The following MYO15A variants were observed in gnomAD, a reference collection of about 807,000 sequenced individuals.
The protein encoded by MYO15A is unconventional myosin-XV.
Under a neutral mutation model 394.6 loss-of-function variants are expected in MYO15A, and 308 were observed. The observed-to-expected ratio is 0.78, with a 90% CI of 0.71 to 0.86. The LOEUF (loss-of-function observed/expected upper bound fraction) is 0.86. Among genes scored for constraint, MYO15A ranks in the 40% least tolerant of loss-of-function variants. The probability of loss-of-function intolerance (pLI) is 0.00; values close to 1 mark genes in which losing one functional copy is unlikely to be tolerated. For synonymous variants in MYO15A, 1,957 were observed against 2,003.8 expected, an observed-to-expected ratio of 0.98 and a Z score of 0.62; for missense variants, 4,606 against 4,799.1, an observed-to-expected ratio of 0.96 and a Z score of 1.19.
Position 18,157,747 on chromosome 17 carries a change from G to T in MYO15A, c.8814G>T (p.Gly2938=). 2 of 1,606,382 alleles carry T rather than the reference G, an allele frequency of 1.2e-6. No individual in the cohort carries two copies. The highest frequency in any genetic ancestry group is 1.7e-4 in the Middle Eastern group (1 of 6,060). Residue 2938 remains glycine, a synonymous_variant, in exon 51 of 66, where the codon GGG becomes GGT. Coordinates refer to ENST00000647165, the MANE Select transcript of MYO15A (RefSeq NM_016239.4). ...GCTGGAGGTTCGGGACCATCCACGG[G>T]CGCGTGGGCCGCTTCCCTTCGGAGC... ...DFGWRFGTIH[G]RVGRFPSELV...
rs1008697566 is a variant in MYO15A, at chr17:18,132,877, A to G, written c.4320+311A>G. On this transcript the variant is annotated intron_variant, in intron 11 of 65. Coordinates refer to ENST00000647165, the MANE Select transcript of MYO15A (RefSeq NM_016239.4). This position sits in a 1 kb window ranked among gnomAD's most constrained non-coding sequence, Gnocchi z 4.6. ...CTCACCTGTAAAATGGGGACAACAT[A>G]GTACCACTTTGCAGGGATGTAGTGA... Among the ~76,000 whole-genome samples the G allele has an allele frequency of 6.6e-6, 1 of 152,236 alleles. No individual in the cohort carries two copies. Among genetic ancestry groups the G allele is most frequent in the Non-Finnish European group, 1.5e-5 (1 of 68,038 alleles).
rs751783637 is a variant in MYO15A at position 18,151,428 on chromosome 17, C to T, written c.7688C>T (p.Thr2563Met). ...SPSPELVRYS[T>M]LNSEHFPQPT... Reference sequence around the variant, plus strand: ...TCCCCAGAGCTGGTCCGGTACTCTACGCTCAACTCTGAGCACTTCCCACAG... The same window carrying T: ...TCCCCAGAGCTGGTCCGGTACTCTATGCTCAACTCTGAGCACTTCCCACAG... Residue 2563 changes from threonine (T) to methionine (M), a missense_variant, in exon 40 of 66, where the codon ACG becomes ATG. Physicochemically the swap from Thr to Met is moderately conservative, Grantham distance 81. This residue lies in a region of MYO15A where 2,776 missense variants were observed against 3,109.3 expected (regional missense o/e 0.89). Coordinates refer to ENST00000647165, the MANE Select transcript of MYO15A (RefSeq NM_016239.4). 7.4e-6 allele frequency: 12 copies of T among 1,614,100 alleles called. No individual in the cohort carries two copies. The highest frequency in any genetic ancestry group is 4.5e-5 in the East Asian group (2 of 44,890).
At chr17:18,110,727 C>T (rs1357697699) in intron 1 of MYO15A, among the ~76,000 whole-genome samples, 1 of 152,210 alleles carries the variant, frequency 6.6e-6, no homozygotes, top group East Asian at 1.9e-4. Context: ...TGACCAAAGT[C>T]CCATCCCTTT....
rs962069038 is a variant in MYO15A at position 18,150,011 on chromosome 17, C to T, written c.7213-418C>T. 5.1e-5 allele frequency: 16 copies of T among 315,808 alleles called. No individual in the cohort carries two copies. The highest frequency in any genetic ancestry group is 1.1e-4 in the African/African-American group (5 of 46,880). The allele number at this position is 315,808 out of a possible 1,614,324, so 19.6% of individuals were successfully genotyped here. A position where few individuals can be genotyped will look rare whatever the true frequency, so the allele number is the denominator to read the frequency against. The stretch of plus-strand genomic sequence containing the variant: ...GCACCTTTGGTGGCAGCCAGCCCCC[C>T]GGGGCCACTAAAATATCTCTATCTG... On this transcript the variant is annotated intron_variant, in intron 35 of 65. Transcript: ENST00000647165. The surrounding 1 kb of genome is among the most constrained non-coding windows in gnomAD (Gnocchi z 4.4).
intron 29 of MYO15A, among the ~76,000 whole-genome samples, chr17:18,144,857 C>T (rs963287971): frequency 2.0e-5 from 3 of 150,998 alleles, no homozygotes; most frequent in African/African-American, 7.3e-5. Flanking sequence ...CAAGAAGAGA[C>T]CCAGATCTCC....
Position 18,157,859 on chromosome 17 carries a change from G to C in MYO15A, c.8926G>C (p.Ala2976Pro). Reference protein sequence around the residue: ...GRAAAVAAAVASAAAAQEVGR... With the variant: ...GRAAAVAAAVPSAAAAQEVGR... ...AGCAGCCGCCGTGGCCGCTGCTGTG[G>C]CCTCTGCAGCCGCTGCACAGGAGGT... The change falls in exon 51 of 66, where the codon GCC becomes CCC. Residue 2976 changes from alanine (A) to proline (P), a missense_variant. By Grantham distance (27) the Ala-to-Pro change is conservative. Coordinates refer to ENST00000647165, the MANE Select transcript of MYO15A (RefSeq NM_016239.4). 1 of 1,442,360 alleles carries C rather than the reference G, an allele frequency of 6.9e-7. No individual in the cohort carries two copies. Among genetic ancestry groups the C allele is most frequent in the Non-Finnish European group, 9.2e-7 (1 of 1,085,496 alleles). The allele number at this position is 1,442,360 out of a possible 1,614,324, so 89.3% of individuals were successfully genotyped here.
chr17:18,161,076 G>A (rs1298209050), intron 56 of MYO15A: 2 of 669,600 alleles, frequency 3.0e-6, no homozygotes, highest in Non-Finnish European at 5.5e-6. Context: ...GGAGAGGAAA[G>A]AGTCGCAGTG....
At chr17:18,175,267 T>C (rs1488129828) in intron 65 of MYO15A, among the ~76,000 whole-genome samples, 3 of 146,668 alleles carry the variant, frequency 2.0e-5, no homozygotes. Context: ...TTGGTTCTTT[T>C]CTGGTCTTTC....
At chr17:18,168,567 CAA>C (rs769813064) in intron 62 of MYO15A, among the ~76,000 whole-genome samples, 5 of 98,576 alleles carry the variant, frequency 5.1e-5, no homozygotes, top group Admixed American at 1.0e-4. Context: ...GACTCCGTCT[CAA>C]AAAAAAAAAA....
At chr17:18,169,969 T>TAA (rs2046915099) in intron 62 of MYO15A, among the ~76,000 whole-genome samples, 1 of 40,054 alleles carries the variant, frequency 2.5e-5, no homozygotes, top group Non-Finnish European at 3.9e-5. Flanking sequence ...AGACCCTGTC[T>TAA]CAAAAAAAAA....
chr17:18,163,123 A>G (rs1597815932), intron 58 of MYO15A, 121 bp from the exon 59 acceptor site: 3 of 1,051,190 alleles, frequency 2.9e-6, no homozygotes, highest in East Asian at 2.4e-5. Context: ...CCAGGTGCTC[A>G]AGTGTTCCTA....
At chr17:18,161,115 G>GC in intron 56 of MYO15A, 1 of 836,424 alleles carries the variant, frequency 1.2e-6, no homozygotes, top group Non-Finnish European at 2.0e-6. Context: ...GATGTCTGGG[G>GC]CCCCATCCCC....
chr17:18,162,034 C>G (rs2046784474), intron 57 of MYO15A, among the ~76,000 whole-genome samples: 1 of 152,186 alleles, frequency 6.6e-6, no homozygotes, highest in African/African-American at 2.4e-5. Flanking sequence ...ATGCTTCTCT[C>G]TGATTCAATT....
intron 29 of MYO15A, among the ~76,000 whole-genome samples, chr17:18,145,249 G>A (rs1397513868): frequency 1.3e-5 from 2 of 152,132 alleles, no homozygotes; most frequent in Admixed American, 6.5e-5. Flanking sequence ...AACCCTCTGC[G>A]GCCTAGATAG....
In MYO15A at chr17:18,162,659, A is replaced by G. The variant is rs756135036; in HGVS notation, c.9592A>G (p.Ile3198Val). The change falls in exon 58 of 66, where the codon ATA (isoleucine) becomes GTA (valine). Residue 3198 changes from isoleucine to valine, a missense_variant. Physicochemically the swap from Ile to Val is conservative, Grantham distance 29. Around this residue, in one of 2 missense-constraint regions of MYO15A, gnomAD observed 2,776 missense variants for 3,109.3 expected, o/e 0.89. Transcript: ENST00000647165. The stretch of plus-strand genomic sequence containing the variant: ...AGGTCGTCTGGAGCTCCCCAGCAGC[A>G]TAGAGCTTCGGGCCATGTTGGTGAG... The part of the protein sequence containing the change: ...FGGRLELPSS[I>V]ELRAMLAGRS... The G allele has an allele frequency of 6.8e-6, 11 of 1,613,938 alleles. No individual in the cohort carries two copies. Among genetic ancestry groups the G allele is most frequent in the African/African-American group, 1.3e-5 (1 of 74,928 alleles).
In MYO15A at chr17:18,117,198, G is replaced by A. The variant is rs866068162; in HGVS notation, c.-219-1384G>A. Among the ~76,000 whole-genome samples the A allele has an allele frequency of 2.3e-4, 35 of 152,370 alleles. No individual in the cohort carries two copies. Among genetic ancestry groups the A allele is most frequent in the African/African-American group, 8.4e-4 (35 of 41,590 alleles). ...CAACTCCTCTGAGTGGCTGGGCACTGACTGGCTCCAGGTGAATCTTGGGGA... is the reference window on the plus strand; with the variant it reads ...CAACTCCTCTGAGTGGCTGGGCACTAACTGGCTCCAGGTGAATCTTGGGGA... On this transcript the variant is annotated intron_variant, in intron 1 of 65. Coordinates refer to ENST00000647165, the MANE Select transcript of MYO15A (RefSeq NM_016239.4). The surrounding 1 kb of genome is among the most constrained non-coding windows in gnomAD (Gnocchi z 4.1).
chr17:18,151,470 A>T lies in MYO15A; in HGVS notation c.7730A>T (p.Lys2577Met). 1 of 1,614,198 alleles carries T rather than the reference A, an allele frequency of 6.2e-7. No homozygotes were observed. The highest frequency in any genetic ancestry group is 2.2e-5 in the East Asian group (1 of 44,866). ...EHFPQPTQQIKNIVRQYQQPF... is the reference protein window; with the variant it reads ...EHFPQPTQQIMNIVRQYQQPF... ...TTCCCACAGCCCACACAGCAGATCA[A>T]GAATATTGTCAGGCAGTACCAGCAG... Residue 2577 changes from lysine (K) to methionine (M), a missense_variant, in exon 40 of 66, where the codon AAG (lysine) becomes ATG (methionine). Around this residue, in one of 2 missense-constraint regions of MYO15A, gnomAD observed 2,776 missense variants for 3,109.3 expected, o/e 0.89. Transcript: ENST00000647165.
chr17:18,121,756 A>G lies in MYO15A; in HGVS notation c.2956A>G (p.Thr986Ala), dbSNP rs773289546. ...LQPEDPAADM[T>A]RVFLGRHHEP... Reference sequence around the variant, plus strand: ...GCCTGAGGATCCAGCTGCTGATATGACCAGGGTCTTCCTGGGCAGACACCA... The same window carrying G: ...GCCTGAGGATCCAGCTGCTGATATGGCCAGGGTCTTCCTGGGCAGACACCA... The change falls in exon 2 of 66, where the codon ACC (threonine) becomes GCC (alanine). Residue 986 changes from threonine to alanine, a missense_variant. This residue lies in a region of MYO15A where 1,830 missense variants were observed against 1,689.7 expected (regional missense o/e 1.08). Coordinates refer to ENST00000647165, the MANE Select transcript of MYO15A (RefSeq NM_016239.4). The surrounding 1 kb of genome is among the most constrained non-coding windows in gnomAD (Gnocchi z 5.3). The G allele has an allele frequency of 2.5e-6, 4 of 1,606,782 alleles. No homozygotes were observed. The highest frequency in any genetic ancestry group is 3.4e-6 in the Non-Finnish European group (4 of 1,176,516).
intron 16 of MYO15A, chr17:18,137,888 C>T: frequency 2.4e-6 from 2 of 834,926 alleles, no homozygotes; most frequent in Non-Finnish European, 3.8e-6. Context: ...AGAGGAGTCC[C>T]CTTGGTGGGG....
Sources: gnomAD v4.1 joint callset for allele counts (sites outside exome capture counted in the v4.1 genomes callset) on GRCh38, gnomAD v4.1.1 for gene constraint, gnomAD v4.1.1 regional missense constraint, Gnocchi (gnomAD v3.1) non-coding constraint, MANE v1.5 for transcripts, NCBI Gene and HGNC (gene_info 2026-07-23, HGNC 2026-07-21) for gene names.